The following KIFAP3 variants were observed in gnomAD, a reference collection of about 807,000 sequenced individuals.
KIFAP3 encodes kinesin associated protein 3, also known as kinesin-associated protein 3.
A neutral mutation model predicts 106.5 loss-of-function variants in KIFAP3; 68 were observed. The ratio of observed to expected loss-of-function variants is 0.64; its 90% CI spans 0.53 to 0.78. The LOEUF is 0.78. KIFAP3 is among the 30% of genes least tolerant of loss of function. The pLI is 0.00. For missense variants in KIFAP3, 780 were observed against 941.8 expected, an observed-to-expected ratio of 0.83 and a Z score of 2.25; for synonymous variants, 320 against 311.5, an observed-to-expected ratio of 1.03 and a Z score of -0.29.
intron 17 of KIFAP3, among the ~76,000 whole-genome samples, chr1:169,971,080 G>T (rs565892098): frequency 6.6e-6 from 1 of 151,994 alleles, no homozygotes; most frequent in South Asian, 2.1e-4. Context: ...TTAGATGAAG[G>T]CTGAGTTGGC....
chr1:169,941,192 T>TA (rs536477781), intron 19 of KIFAP3, among the ~76,000 whole-genome samples: 109 of 152,234 alleles, frequency 7.2e-4, no homozygotes, highest in South Asian at 2.9e-3. Flanking sequence ...ATTCTAAGAG[T>TA]ATAAGCTACA....
At chr1:170,084,480 A>G (rs1421847188) in intron 1 of KIFAP3, among the ~76,000 whole-genome samples, 3 of 152,230 alleles carry the variant, frequency 2.0e-5, no homozygotes, top group African/African-American at 7.2e-5. Context: ...ACAAATAATT[A>G]TTGACTATAT....
In KIFAP3 at chr1:170,000,192, C is replaced by T. The variant is rs114970267; in HGVS notation, c.1184-7937G>A. Among the ~76,000 whole-genome samples the T allele has an allele frequency of 7.4e-3, 1,125 of 152,214 alleles. 19 individuals carry two copies. Among genetic ancestry groups the T allele is most frequent in the African/African-American group, 0.025 (1,022 of 41,544 alleles). On this transcript the variant is annotated intron_variant, in intron 10 of 19. Transcript: ENST00000361580. ...CTCAAAAGCCAAATTTCCGCTTCTG[C>T]AGTAGATCCAGCCCAACACTGTGAA...
chr1:169,980,278 A>C (rs1432460902), intron 15 of KIFAP3, among the ~76,000 whole-genome samples: 1 of 152,194 alleles, frequency 6.6e-6, no homozygotes, highest in Non-Finnish European at 1.5e-5. Context: ...TAAAATTAAC[A>C]CAAAATGCAC....
At chr1:169,979,233 T>G (rs961428725) in intron 15 of KIFAP3, among the ~76,000 whole-genome samples, 1 of 152,086 alleles carries the variant, frequency 6.6e-6, no homozygotes, top group Non-Finnish European at 1.5e-5. Context: ...CACAAAATCT[T>G]CATTCTCACT....
chr1:170,076,771 C>T (rs148991163), upstream of KIFAP3, among the ~76,000 whole-genome samples: 83 of 152,262 alleles, frequency 5.5e-4, no homozygotes, highest in African/African-American at 1.9e-3. Context: ...ACAATGGATT[C>T]AAATAAGCCC....
At chr1:170,082,111 C>T (rs533606179) in intron 1 of KIFAP3, among the ~76,000 whole-genome samples, 1 of 152,240 alleles carries the variant, frequency 6.6e-6, no homozygotes, top group East Asian at 1.9e-4. Flanking sequence ...AAAATGAAAA[C>T]ATATGTCCAC....
intron 19 of KIFAP3, among the ~76,000 whole-genome samples, chr1:169,936,290 G>C (rs919783654): frequency 6.6e-6 from 1 of 151,678 alleles, no homozygotes; most frequent in Non-Finnish European, 1.5e-5. Flanking sequence ...GGGAGTCATA[G>C]AAAATCAACA....
intron 1 of KIFAP3, among the ~76,000 whole-genome samples, chr1:170,060,361 C>A (rs1457710040): frequency 1.3e-5 from 2 of 152,136 alleles, no homozygotes; most frequent in East Asian, 1.9e-4. Context: ...TTCCTATACA[C>A]CAATAACAGA....
intron 1 of KIFAP3, among the ~76,000 whole-genome samples, chr1:170,066,502 G>A (rs1185643702): frequency 6.6e-6 from 1 of 152,032 alleles, no homozygotes; most frequent in Non-Finnish European, 1.5e-5. Flanking sequence ...ATCTGTTTGA[G>A]GCCATAAGAG....
chr1:169,928,699 CAA>C lies in KIFAP3; in HGVS notation c.2274-6920_2274-6919del, dbSNP rs10690029. Among the ~76,000 whole-genome samples the C allele has an allele frequency of 2.1e-4, 8 of 37,784 alleles. 1 individual carries two copies. In the South Asian group the frequency reaches 4.6e-3, roughly 22 times the overall value. The allele number at this position is 37,784 out of a possible 152,430, so 24.8% of individuals were successfully genotyped here. On this transcript the variant is annotated intron_variant, in intron 19 of 19. Coordinates refer to ENST00000361580, the MANE Select transcript of KIFAP3 (RefSeq NM_014970.4). Reference sequence around the variant, plus strand: ...AACAGAGTGAGTGAGACCCTGTCTCCAAAAAAAAAAAAAAAAAAAAAATTAAA... The same window carrying C: ...AACAGAGTGAGTGAGACCCTGTCTCCAAAAAAAAAAAAAAAAAAAATTAAA...
At chr1:170,066,212 G>A (rs1421836946) in intron 1 of KIFAP3, among the ~76,000 whole-genome samples, 1 of 136,860 alleles carries the variant, frequency 7.3e-6, no homozygotes, top group Non-Finnish European at 1.5e-5. Context: ...GCTGTCATAT[G>A]CATTATGTGT....
intron 12 of KIFAP3, among the ~76,000 whole-genome samples, chr1:169,983,893 A>C (rs1030856123): frequency 6.6e-6 from 1 of 151,906 alleles, no homozygotes; most frequent in Non-Finnish European, 1.5e-5. Flanking sequence ...TATCCATAAT[A>C]GTGAAGTAAA....
chr1:169,996,464 T>C (rs950490575), intron 10 of KIFAP3, among the ~76,000 whole-genome samples: 1 of 152,168 alleles, frequency 6.6e-6, no homozygotes, highest in Non-Finnish European at 1.5e-5. Context: ...ATTGTTCCTA[T>C]TGCATGTTCA....
chr1:169,932,288 A>AC (rs1320342660), intron 19 of KIFAP3, among the ~76,000 whole-genome samples: 6 of 152,186 alleles, frequency 3.9e-5, no homozygotes, highest in Non-Finnish European at 8.8e-5. Flanking sequence ...ACTATTAAGT[A>AC]CTGAAAAATA....
intron 19 of KIFAP3, among the ~76,000 whole-genome samples, chr1:169,944,365 G>A (rs968680513): frequency 6.6e-6 from 1 of 152,212 alleles, no homozygotes; most frequent in African/African-American, 2.4e-5. Context: ...GCGTCTGGAT[G>A]AGGGAAACAC....
At chr1:170,000,461 A>C (rs1170784550) in intron 10 of KIFAP3, among the ~76,000 whole-genome samples, 1 of 152,126 alleles carries the variant, frequency 6.6e-6, no homozygotes, top group Non-Finnish European at 1.5e-5. Context: ...GTGTCTTTAC[A>C]TTTATTACGG....
intron 1 of KIFAP3, among the ~76,000 whole-genome samples, chr1:170,081,515 T>C (rs1672020359): frequency 6.6e-6 from 1 of 152,204 alleles, no homozygotes; most frequent in Non-Finnish European, 1.5e-5. Flanking sequence ...CTGGATGCTT[T>C]AGAATAGAAT....
chr1:169,997,646 G>A (rs1667431302), intron 10 of KIFAP3, among the ~76,000 whole-genome samples: 1 of 151,974 alleles, frequency 6.6e-6, no homozygotes, highest in Non-Finnish European at 1.5e-5. Context: ...TGAGGCATGT[G>A]GATTACCTGA....
Sources: allele counts gnomAD v4.1 joint callset (sites outside exome capture counted in the v4.1 genomes callset), GRCh38; gene constraint gnomAD v4.1.1; transcripts MANE v1.5; gene names NCBI Gene and HGNC (gene_info 2026-07-23, HGNC 2026-07-21).